FAM222B: variants seen among roughly 807,000 people sequenced by gnomAD.
The protein encoded by FAM222B is family with sequence similarity 222 member B, also known as protein FAM222B.
Under a neutral mutation model 38.0 loss-of-function variants are expected in FAM222B, and 12 were observed. The ratio of observed to expected loss-of-function variants is 0.32; its 90% CI spans 0.20 to 0.51. The LOEUF (loss-of-function observed/expected upper bound fraction) is 0.51, where lower values mean the gene tolerates loss of function less well. FAM222B is among the 20% of genes least tolerant of loss of function. The probability of loss-of-function intolerance (pLI) is 0.97; values close to 1 mark genes in which losing one functional copy is unlikely to be tolerated. For synonymous variants in FAM222B, 329 were observed against 317.2 expected, an observed-to-expected ratio of 1.04 and a Z score of -0.40; for missense variants, 716 against 754.2, an observed-to-expected ratio of 0.95 and a Z score of 0.59.
intron 1 of FAM222B, among the ~76,000 whole-genome samples, chr17:28,829,216 CTCT>C (rs1483160388): frequency 9.1e-5 from 2 of 21,970 alleles, no homozygotes; most frequent in Non-Finnish European, 1.9e-4. Context: ...CCTCTCTCTA[CTCT>C]TTTTTTTTTT....
At chr17:28,829,150 C>T (rs2038556680) in intron 1 of FAM222B, among the ~76,000 whole-genome samples, 1 of 151,932 alleles carries the variant, frequency 6.6e-6, no homozygotes, top group Non-Finnish European at 1.5e-5. Context: ...GAGATCTGCC[C>T]GCCTCGGCCT....
In FAM222B at chr17:28,766,690, A is replaced by C; in HGVS notation, c.-23T>G. The C allele has an allele frequency of 6.3e-7, 1 of 1,576,002 alleles. No homozygotes were observed. The highest frequency in any genetic ancestry group is 1.3e-5 in the African/African-American group (1 of 74,240). ...CATGGCAGATTGGCATCAACACAACATGGGGCAGTGGCTCACACTGTAATG... is the reference window on the plus strand; with the variant it reads ...CATGGCAGATTGGCATCAACACAACCTGGGGCAGTGGCTCACACTGTAATG... On this transcript the variant is annotated 5_prime_UTR_variant, in exon 2 of 3. It removes an upstream start codon present in the reference 5' UTR. Transcript: ENST00000581407.
intron 1 of FAM222B, among the ~76,000 whole-genome samples, chr17:28,779,746 G>A (rs935239262): frequency 7.4e-6 from 1 of 135,966 alleles, no homozygotes; most frequent in African/African-American, 2.7e-5. Flanking sequence ...GCGAGACTCC[G>A]TCTCAAAATA....
At chr17:28,811,421 C>A (rs1272684510) in intron 1 of FAM222B, among the ~76,000 whole-genome samples, 1 of 152,148 alleles carries the variant, frequency 6.6e-6, no homozygotes, top group Non-Finnish European at 1.5e-5. Context: ...GCCTGGGCAA[C>A]AGAGCGAGAC....
intron 1 of FAM222B, among the ~76,000 whole-genome samples, chr17:28,852,920 G>A (rs1206328289): frequency 6.6e-6 from 1 of 152,116 alleles, no homozygotes; most frequent in Admixed American, 6.6e-5. Flanking sequence ...AGCACTGGGC[G>A]AGGTGGCTGA....
chr17:28,819,856 A>C (rs934225219), intron 1 of FAM222B, among the ~76,000 whole-genome samples: 12 of 152,216 alleles, frequency 7.9e-5, no homozygotes, highest in Admixed American at 7.9e-4. Context: ...CATGTCATTC[A>C]AGGACCCTTT....
intron 1 of FAM222B, among the ~76,000 whole-genome samples, chr17:28,833,944 T>C (rs1468562787): frequency 6.6e-6 from 1 of 152,210 alleles, no homozygotes; most frequent in Non-Finnish European, 1.5e-5. Context: ...TTCCTTCAAA[T>C]GTAATACCCT....
At chr17:28,775,093 T>A (rs1345320073) in intron 1 of FAM222B, among the ~76,000 whole-genome samples, 2 of 142,234 alleles carry the variant, frequency 1.4e-5, no homozygotes, top group Non-Finnish European at 3.0e-5. Flanking sequence ...CTCTGCCTCC[T>A]GGGTTCAAGC....
intron 1 of FAM222B, chr17:28,790,376 AC>A (rs2036608302): frequency 6.6e-6 from 1 of 152,348 alleles, no homozygotes; most frequent in East Asian, 1.9e-4. Flanking sequence ...AAAATTCTGT[AC>A]CTTTTGAAAT....
upstream of FAM222B, among the ~76,000 whole-genome samples, chr17:28,844,020 G>C (rs1222724133): frequency 6.6e-6 from 1 of 152,168 alleles, no homozygotes; most frequent in Non-Finnish European, 1.5e-5. Flanking sequence ...CTGCTTTCCA[G>C]CTCTCACTGT....
In FAM222B at chr17:28,759,230, G is replaced by T. The variant is rs1203666747; in HGVS notation, c.729C>A (p.Thr243=). 10 of 1,613,612 alleles carry T rather than the reference G, an allele frequency of 6.2e-6. No homozygotes were observed. The highest frequency in any genetic ancestry group is 7.6e-6 in the Non-Finnish European group (9 of 1,179,800). Residue 243 remains threonine (T), a synonymous_variant, in exon 3 of 3, where the codon ACC becomes ACA. Coordinates refer to ENST00000581407, the MANE Select transcript of FAM222B (RefSeq NM_001077498.3). The surrounding 1 kb of genome is among the most constrained non-coding windows in gnomAD (Gnocchi z 4.8). The stretch of plus-strand genomic sequence containing the variant: ...AAAGGGGGATAGTTGAGGTAGACAC[G>T]GTCACATTCGGGGGGGCATCTGAGT... ...MPDSDAPPNV[T]VSTSTIPLSM... is the part of the protein sequence containing the mutation.
chr17:28,826,526 A>C (rs895266718), intron 1 of FAM222B, among the ~76,000 whole-genome samples: 6 of 151,846 alleles, frequency 4.0e-5, no homozygotes, highest in Non-Finnish European at 8.8e-5. Flanking sequence ...ACTAAACACA[A>C]AAAAAACAGC....
Position 28,790,884 on chromosome 17 carries a change from C to CATTTTTTTTTTTTT in FAM222B, c.-40-24178_-40-24177insAAAAAAAAAAAAAT, listed in dbSNP as rs71135852. The stretch of plus-strand genomic sequence containing the variant: ...GTTCTATATATTTCAAATTGTTTCA[C>CATTTTTTTTTTTTT]TTTTTTTTTTTTTTTTTTTTTTTTT... On this transcript the variant is annotated intron_variant, in intron 1 of 2. Coordinates refer to ENST00000581407, the MANE Select transcript of FAM222B (RefSeq NM_001077498.3). Among the ~76,000 whole-genome samples, 609 of 86,092 alleles carry CATTTTTTTTTTTTT rather than the reference C, an allele frequency of 7.1e-3. 243 individuals carry two copies. Among genetic ancestry groups the CATTTTTTTTTTTTT allele is most frequent in the Middle Eastern group, 7.6e-3 (1 of 132 alleles). The allele number at this position is 86,092 out of a possible 152,430, so 56.5% of individuals were successfully genotyped here.
intron 1 of FAM222B, chr17:28,776,993 G>A (rs2035926796): frequency 6.6e-6 from 1 of 152,208 alleles, no homozygotes; most frequent in Middle Eastern, 3.4e-3. Flanking sequence ...AGGTAATTTT[G>A]TTAGCCCAAA....
chr17:28,761,271 T>C (rs1362391801), intron 2 of FAM222B, among the ~76,000 whole-genome samples: 1 of 152,210 alleles, frequency 6.6e-6, no homozygotes, highest in Admixed American at 6.5e-5. Context: ...GCCAACCTCC[T>C]GCAAGGGGGC....
chr17:28,784,948 G>A (rs938941831), intron 1 of FAM222B, among the ~76,000 whole-genome samples: 1 of 151,864 alleles, frequency 6.6e-6, no homozygotes, highest in African/African-American at 2.4e-5. Context: ...TAGAGATGGG[G>A]TCTCACTATG....
In FAM222B at chr17:28,807,382, TTTTG is replaced by T. The variant is rs943721968; in HGVS notation, c.-41+35296_-41+35299del. On this transcript the variant is annotated intron_variant, in intron 1 of 2. Coordinates refer to ENST00000581407, the MANE Select transcript of FAM222B (RefSeq NM_001077498.3). The stretch of plus-strand genomic sequence containing the variant: ...AACGCTTGTTTTTGTGTGTGTGTTT[TTTTG>T]TTTGTTTGTTTTGCTTTTATGTGGA... Among the ~76,000 whole-genome samples, 89 of 152,008 alleles carry T rather than the reference TTTTG, an allele frequency of 5.9e-4. 5 individuals are homozygous for T. The East Asian group carries it at 7.7e-3, about 13-fold the overall frequency.
In FAM222B at chr17:28,835,762, C is replaced by A. The variant is rs557635616; in HGVS notation, c.-41+6920G>T. 6.6e-5 allele frequency among the ~76,000 whole-genome samples: 10 copies of A among 152,162 alleles called. No individual in the cohort carries two copies. The South Asian group carries it at 2.1e-3, about 32-fold the overall frequency. On this transcript the variant is annotated intron_variant, in intron 1 of 2. Transcript: ENST00000581407. ...TTACTGCTCACTACATCCTTCATCT[C>A]TTGTACTCAAGTGATCCTCCCACCT...
chr17:28,828,485 G>A (rs748962862), intron 1 of FAM222B, among the ~76,000 whole-genome samples: 3 of 151,194 alleles, frequency 2.0e-5, no homozygotes, highest in East Asian at 1.9e-4. Context: ...TGGGAGGATC[G>A]CTTGAGCCCA....
Sources: allele counts gnomAD v4.1 joint callset (sites outside exome capture counted in the v4.1 genomes callset), GRCh38; gene constraint gnomAD v4.1.1; non-coding constraint Gnocchi (gnomAD v3.1); transcripts MANE v1.5; gene names NCBI Gene and HGNC (gene_info 2026-07-23, HGNC 2026-07-21).